P4HB: variants seen among roughly 807,000 people sequenced by gnomAD.
The protein encoded by P4HB is prolyl 4-hydroxylase subunit beta.
In P4HB, 20 loss-of-function variants were observed where a neutral mutation model predicts 52.6. The observed-to-expected ratio is 0.38, with a 90% confidence interval of 0.27 to 0.55. The LOEUF (loss-of-function observed/expected upper bound fraction) is 0.55, where lower values mean the gene tolerates loss of function less well. Ranked by LOEUF, P4HB falls within the 20% of genes least tolerant of loss-of-function variation. The pLI is 0.74. For synonymous variants in P4HB, 296 were observed against 277.9 expected, an observed-to-expected ratio of 1.07 and a Z score of -0.65; for missense variants, 601 against 669.2, an observed-to-expected ratio of 0.90 and a Z score of 1.12.
rs200170064 is a variant in P4HB at position 81,855,123 on chromosome 17, G to A, written c.624+19C>T. 1 of 1,613,532 alleles carries A rather than the reference G, an allele frequency of 6.2e-7. No individual in the cohort carries two copies. The highest frequency in any genetic ancestry group is 1.3e-5 in the African/African-American group (1 of 75,038). On this transcript the variant is annotated intron_variant, in intron 4 of 10. Coordinates refer to ENST00000331483, the MANE Select transcript of P4HB (RefSeq NM_000918.4). The surrounding 1 kb of genome is among the most constrained non-coding windows in gnomAD (Gnocchi z 4.3). ...CAACCCCAGAACTAACCTGGGCAGAGCTGCCTGGGGCCACTCACCTTCTTA... is the reference window on the plus strand; with the variant it reads ...CAACCCCAGAACTAACCTGGGCAGAACTGCCTGGGGCCACTCACCTTCTTA...
At chr17:81,851,946 G>A (rs773609617) in intron 4 of P4HB, among the ~76,000 whole-genome samples, 2 of 152,238 alleles carry the variant, frequency 1.3e-5, no homozygotes, top group Non-Finnish European at 2.9e-5. Flanking sequence ...GTTTTGGCAG[G>A]CTGAGGCAGG....
chr17:81,855,432 CTG>C lies in P4HB; in HGVS notation c.486+19_486+20del, dbSNP rs767997496. 6.2e-7 allele frequency: 1 copy of C among 1,601,722 alleles called. No homozygotes were observed. The highest frequency in any genetic ancestry group is 8.5e-7 in the Non-Finnish European group (1 of 1,171,726). On this transcript the variant is annotated intron_variant, in intron 3 of 10. Transcript: ENST00000331483. The surrounding 1 kb of genome is among the most constrained non-coding windows in gnomAD (Gnocchi z 4.3). ...CAATGGATGACGGAAGGAAGGAAGACTGGAATGCTCTGGTCTCTACCTTGAAG... is the reference window on the plus strand; with the variant it reads ...CAATGGATGACGGAAGGAAGGAAGACGAATGCTCTGGTCTCTACCTTGAAG...
At chr17:81,857,670 C>A (rs569719925) in intron 2 of P4HB, among the ~76,000 whole-genome samples, 1 of 152,332 alleles carries the variant, frequency 6.6e-6, no homozygotes, top group East Asian at 1.9e-4. Context: ...ATGGCCCACC[C>A]TCCATGCCTC....
chr17:81,845,833 G>A, intron 8 of P4HB, 38 bp downstream of exon 8: 1 of 1,613,950 alleles, frequency 6.2e-7, no homozygotes, highest in African/African-American at 1.3e-5. Flanking sequence ...GCGTGCCCTG[G>A]TGGCACGGAC....
rs879112095 is a variant in P4HB at position 81,846,769 on chromosome 17, G to A, written c.856-140C>T. 2 of 1,194,496 alleles carry A rather than the reference G, an allele frequency of 1.7e-6. No individual in the cohort carries two copies. The highest frequency in any genetic ancestry group is 2.7e-5 in the South Asian group (2 of 74,450). The allele number at this position is 1,194,496 out of a possible 1,614,324, so 74.0% of individuals were successfully genotyped here. On this transcript the variant is annotated intron_variant, in intron 6 of 10. Transcript: ENST00000331483. This position sits in a 1 kb window ranked among gnomAD's most constrained non-coding sequence, Gnocchi z 5.7. Reference sequence around the variant, plus strand: ...CCGGGGTTGCCCAACCAGACCAGCAGGTGACTGGGAGCAGAGGTCTGGCCT... The same window carrying A: ...CCGGGGTTGCCCAACCAGACCAGCAAGTGACTGGGAGCAGAGGTCTGGCCT...
Position 81,845,142 on chromosome 17 carries a change from ACGT to A in P4HB, c.1445_1446+1del. The A allele has an allele frequency of 6.2e-7, 1 of 1,609,762 alleles. No individual in the cohort carries two copies. Among genetic ancestry groups the A allele is most frequent in the Non-Finnish European group, 8.5e-7 (1 of 1,176,474 alleles). On this transcript the variant is annotated splice_donor_variant and coding_sequence_variant, in exon 10 of 11. Coordinates refer to ENST00000331483, the MANE Select transcript of P4HB (RefSeq NM_000918.4). LOFTEE classifies it high-confidence loss of function. ...CCAGCCCAGGGCTGTGACCCCACTC[ACGT>A]CATCATCCCCTGCCCCATCCTGGCC... is the stretch of plus-strand genomic sequence containing the variant.
chr17:81,843,592 C>G lies in P4HB; in HGVS notation c.*420G>C. On this transcript the variant is annotated 3_prime_UTR_variant, in exon 11 of 11. Transcript: ENST00000331483. The stretch of plus-strand genomic sequence containing the variant: ...CTCCCACACGGGGGACAAGCTTCTC[C>G]GAGGAGGCCTGGCCAAGGTGGAACA... The G allele has an allele frequency of 2.2e-6, 1 of 444,614 alleles. No homozygotes were observed. Among genetic ancestry groups the G allele is most frequent in the East Asian group, 3.3e-5 (1 of 30,154 alleles). 27.5% of individuals were successfully genotyped at this position (444,614 alleles called of 1,614,324 possible). A position where few individuals can be genotyped will look rare whatever the true frequency, so the allele number is the denominator to read the frequency against.
At chr17:81,845,834 T>C in intron 8 of P4HB, 37 bp downstream of exon 8, 1 of 1,613,944 alleles carries the variant, frequency 6.2e-7, no homozygotes, top group Non-Finnish European at 8.5e-7. Flanking sequence ...CGTGCCCTGG[T>C]GGCACGGACC....
chr17:81,854,047 C>CA (rs2038876256), intron 4 of P4HB, among the ~76,000 whole-genome samples: 1 of 152,228 alleles, frequency 6.6e-6, no homozygotes, highest in Admixed American at 6.5e-5. Context: ...AGGAGAAGGA[C>CA]AGCGGGATCA....
At chr17:81,847,207 C>T in intron 5 of P4HB, 36 bp downstream of exon 5, 1 of 1,607,774 alleles carries the variant, frequency 6.2e-7, no homozygotes, top group South Asian at 1.1e-5. Flanking sequence ...CCCACTCCTC[C>T]CCATCCCCAG....
Position 81,845,668 on chromosome 17 carries a change from C to T in P4HB, c.1252G>A (p.Glu418Lys). 6.2e-7 allele frequency: 1 copy of T among 1,614,008 alleles called. No individual in the cohort carries two copies. Among genetic ancestry groups the T allele is most frequent in the East Asian group, 2.2e-5 (1 of 44,880 alleles). Residue 418 changes from glutamate (E) to lysine (K), a missense_variant, in exon 9 of 11, where the codon GAG (glutamate) becomes AAG (lysine). Glu to Lys is a moderately conservative substitution (Grantham distance 56, BLOSUM62 1). Coordinates refer to ENST00000331483, the MANE Select transcript of P4HB (RefSeq NM_000918.4). ...TCCATCTTGGCGATGACGATGTTCT[C>T]ATGGTCCTTGTACGTCTCTCCCAGT... ...DKLGETYKDHENIVIAKMDST... is the reference protein window; with the variant it reads ...DKLGETYKDHKNIVIAKMDST...
At chr17:81,852,196 G>C (rs146741155) in intron 4 of P4HB, among the ~76,000 whole-genome samples, 312 of 152,308 alleles carry the variant, frequency 2.0e-3, no homozygotes, top group African/African-American at 7.2e-3. Context: ...AACAATAACA[G>C]GCCCAGTGCT....
chr17:81,859,713 C>CCTG, intron 1 of P4HB: 1 of 385,686 alleles, frequency 2.6e-6, no homozygotes, highest in Non-Finnish European at 4.9e-6. Flanking sequence ...CTCCCCTAGA[C>CCTG]TTTCCCTTTA....
At chr17:81,848,608 C>G (rs1194907629) in intron 4 of P4HB, among the ~76,000 whole-genome samples, 1 of 151,358 alleles carries the variant, frequency 6.6e-6, no homozygotes, top group Non-Finnish European at 1.5e-5. Context: ...TGGTGGCGGG[C>G]ACCTGTAATC....
intron 4 of P4HB, among the ~76,000 whole-genome samples, chr17:81,851,675 C>T (rs1184981163): frequency 6.6e-6 from 1 of 152,232 alleles, no homozygotes; most frequent in Non-Finnish European, 1.5e-5. Context: ...ATGTCTCTGA[C>T]TCCCTCCAGA....
intron 2 of P4HB, among the ~76,000 whole-genome samples, chr17:81,858,417 A>G (rs575765529): frequency 6.6e-6 from 1 of 152,264 alleles, no homozygotes; most frequent in East Asian, 1.9e-4. Context: ...AGTTGCTGCC[A>G]CTAGAACAGG....
intron 4 of P4HB, among the ~76,000 whole-genome samples, chr17:81,853,600 A>G (rs1290606226): frequency 6.6e-6 from 1 of 151,980 alleles, no homozygotes; most frequent in Non-Finnish European, 1.5e-5. Flanking sequence ...AAAAAAAAAG[A>G]AAGTGAATGG....
intron 1 of P4HB, chr17:81,859,958 A>G (rs981805114): frequency 2.5e-5 from 5 of 202,116 alleles, no homozygotes; most frequent in Admixed American, 6.0e-5. Context: ...CATCGGAAGG[A>G]CTGCTGTGGC....
At position 81,843,386 on chromosome 17, in the gene P4HB, A is replaced by C. The variant is rs752575002; in HGVS notation, c.*626T>G. 10 of 394,720 alleles carry C rather than the reference A, an allele frequency of 2.5e-5. No individual in the cohort carries two copies. The highest frequency in any genetic ancestry group is 4.0e-5 in the Non-Finnish European group (9 of 224,204). The allele number at this position is 394,720 out of a possible 1,614,324, so 24.5% of individuals were successfully genotyped here. ...GGAGGAGGAGCCCTGGCTTGAGGGAAGGGGAAGGCCCAGGCCTGTGCCGGG... is the reference window on the plus strand; with the variant it reads ...GGAGGAGGAGCCCTGGCTTGAGGGACGGGGAAGGCCCAGGCCTGTGCCGGG... On this transcript the variant is annotated 3_prime_UTR_variant, in exon 11 of 11. Coordinates refer to ENST00000331483, the MANE Select transcript of P4HB (RefSeq NM_000918.4).
Sources: allele counts gnomAD v4.1 joint callset (sites outside exome capture counted in the v4.1 genomes callset), GRCh38; gene constraint gnomAD v4.1.1; non-coding constraint Gnocchi (gnomAD v3.1); transcripts MANE v1.5; gene names NCBI Gene and HGNC (gene_info 2026-07-23, HGNC 2026-07-21).